NRG1: variants seen among roughly 807,000 people sequenced by gnomAD.
NRG1 encodes the protein pro-neuregulin-1, membrane-bound isoform.
In NRG1, 18 loss-of-function variants were observed where a neutral mutation model predicts 63.8. The observed-to-expected ratio is 0.28, with a 90% confidence interval of 0.19 to 0.42. The LOEUF (loss-of-function observed/expected upper bound fraction) is 0.42, where lower values mean the gene tolerates loss of function less well. Ranked by LOEUF, NRG1 falls within the 10% of genes least tolerant of loss-of-function variation. The pLI is 1.00. For synonymous variants in NRG1, 302 were observed against 301.3 expected, an observed-to-expected ratio of 1.00 and a Z score of -0.02; for missense variants, 762 against 814.7, an observed-to-expected ratio of 0.94 and a Z score of 0.79.
intron 1 of NRG1, among the ~76,000 whole-genome samples, chr8:31,910,297 G>C (rs1411806436): frequency 1.4e-5 from 2 of 146,944 alleles, no homozygotes; most frequent in Non-Finnish European, 3.0e-5. Flanking sequence ...ATGCAGCATA[G>C]AATGGAATGA....
At chr8:31,909,157 A>C (rs938592385) in intron 1 of NRG1, among the ~76,000 whole-genome samples, 5 of 152,188 alleles carry the variant, frequency 3.3e-5, no homozygotes, top group African/African-American at 1.2e-4. Flanking sequence ...TATCCCAAAT[A>C]AGAATTATCA....
intron 1 of NRG1, among the ~76,000 whole-genome samples, chr8:32,170,467 T>C (rs1839912010): frequency 6.6e-6 from 1 of 152,212 alleles, no homozygotes; most frequent in Non-Finnish European, 1.5e-5. Context: ...GCCTGTATTG[T>C]TGCCTCTGGT....
At chr8:32,118,982 G>A (rs1472271452) in intron 1 of NRG1, among the ~76,000 whole-genome samples, 1 of 152,094 alleles carries the variant, frequency 6.6e-6, no homozygotes, top group African/African-American at 2.4e-5. Flanking sequence ...TTAAGAATCT[G>A]GTCTGGATTA....
chr8:32,069,965 G>A (rs1225318019), intron 1 of NRG1, among the ~76,000 whole-genome samples: 2 of 152,108 alleles, frequency 1.3e-5, no homozygotes, highest in Admixed American at 6.6e-5. Context: ...GTTCATCCTC[G>A]GTAGAGAGTC....
chr8:32,450,588 G>C (rs765061321), intron 1 of NRG1, among the ~76,000 whole-genome samples: 4 of 151,990 alleles, frequency 2.6e-5, no homozygotes, highest in Admixed American at 1.3e-4. Flanking sequence ...GCTATTTTTT[G>C]TATTTTTTGT....
At chr8:31,947,575 T>C (rs1415034495) in intron 1 of NRG1, among the ~76,000 whole-genome samples, 3 of 152,048 alleles carry the variant, frequency 2.0e-5, no homozygotes, top group Non-Finnish European at 2.9e-5. Flanking sequence ...TTAGATCCGG[T>C]CAACATTATG....
intron 1 of NRG1, among the ~76,000 whole-genome samples, chr8:32,064,518 A>G (rs1285129677): frequency 1.3e-5 from 2 of 152,150 alleles, no homozygotes; most frequent in Non-Finnish European, 2.9e-5. Flanking sequence ...TTCAGTTACC[A>G]GCATGCACAG....
chr8:32,356,514 T>A (rs1806457675), intron 1 of NRG1, among the ~76,000 whole-genome samples: 1 of 122,964 alleles, frequency 8.1e-6, no homozygotes, highest in Non-Finnish European at 1.6e-5. Context: ...GTTGATATCC[T>A]AAATGTTCTC....
At chr8:32,095,277 C>T (rs1003029151) in intron 1 of NRG1, among the ~76,000 whole-genome samples, 3 of 152,184 alleles carry the variant, frequency 2.0e-5, no homozygotes, top group Admixed American at 1.3e-4. Flanking sequence ...TGAGCAGAGA[C>T]TGTGTAGGTG....
At chr8:32,404,157 C>A (rs994315346) in intron 1 of NRG1, among the ~76,000 whole-genome samples, 1 of 152,138 alleles carries the variant, frequency 6.6e-6, no homozygotes, top group African/African-American at 2.4e-5. Flanking sequence ...GAAATGTTTT[C>A]CTGTTTTGCA....
At chr8:32,068,805 C>A (rs1825293715) in intron 1 of NRG1, among the ~76,000 whole-genome samples, 1 of 152,202 alleles carries the variant, frequency 6.6e-6, no homozygotes, top group African/African-American at 2.4e-5. Context: ...ATATTTCACT[C>A]TGACACCGTT....
intron 1 of NRG1, among the ~76,000 whole-genome samples, chr8:32,461,974 A>G (rs548776374): frequency 1.2e-4 from 19 of 152,280 alleles, no homozygotes; most frequent in African/African-American, 3.6e-4. Context: ...CCAAAAATCT[A>G]GTAGAGGAAG....
At chr8:32,039,891 G>A (rs1819668221) in intron 1 of NRG1, among the ~76,000 whole-genome samples, 2 of 152,078 alleles carry the variant, frequency 1.3e-5, no homozygotes, top group African/African-American at 4.8e-5. Flanking sequence ...GGAAATGGTG[G>A]TGTGTGAATG....
At chr8:31,686,055 A>G (rs1394457343) in intron 1 of NRG1, among the ~76,000 whole-genome samples, 1 of 152,140 alleles carries the variant, frequency 6.6e-6, no homozygotes, top group East Asian at 1.9e-4. Context: ...ACTTGATGGT[A>G]ACTATATTTA....
Position 32,371,959 on chromosome 8 carries a change from T to C in NRG1, c.38-223869T>C, listed in dbSNP as rs936526690. Among the ~76,000 whole-genome samples the C allele has an allele frequency of 1.4e-4, 21 of 149,062 alleles. No homozygotes were observed. In the East Asian group the frequency reaches 1.6e-3, roughly 11 times the overall value. On this transcript the variant is annotated intron_variant, in intron 1 of 10. Coordinates refer to the NRG1 transcript ENST00000519301. ...TGTGAGATACGATTTACCACAATTT[T>C]TTTCTTTCTTTCTTTCTTTTTTCTT...
intron 1 of NRG1, among the ~76,000 whole-genome samples, chr8:32,158,337 G>C (rs1330946564): frequency 6.6e-6 from 1 of 150,680 alleles, no homozygotes; most frequent in Non-Finnish European, 1.5e-5. Flanking sequence ...CTAAGAATGA[G>C]GTAATAGGAA....
intron 1 of NRG1, among the ~76,000 whole-genome samples, chr8:32,146,509 A>C (rs1255696712): frequency 6.6e-6 from 1 of 152,122 alleles, no homozygotes; most frequent in Admixed American, 6.5e-5. Context: ...AATCAATGTA[A>C]AAAAATTATC....
intron 1 of NRG1, among the ~76,000 whole-genome samples, chr8:32,105,099 C>T (rs946455360): frequency 1.5e-4 from 23 of 151,940 alleles, no homozygotes; most frequent in Admixed American, 1.2e-3. Context: ...CTAGCATCAC[C>T]GCAGACACAT....
At chr8:32,421,401 C>T (rs1298038624) in intron 1 of NRG1, among the ~76,000 whole-genome samples, 1 of 152,142 alleles carries the variant, frequency 6.6e-6, no homozygotes, top group African/African-American at 2.4e-5. Flanking sequence ...CAACATCTGC[C>T]CTTCTCTGAG....
Sources: allele counts gnomAD v4.1 joint callset (sites outside exome capture counted in the v4.1 genomes callset), GRCh38; gene constraint gnomAD v4.1.1; transcripts MANE v1.5; gene names NCBI Gene and HGNC (gene_info 2026-07-23, HGNC 2026-07-21).